Variants in PIAS1 observed in about 807,000 individuals in gnomAD.
The protein encoded by PIAS1 is E3 SUMO-protein ligase PIAS1.
In PIAS1, 6 loss-of-function variants were observed where a neutral mutation model predicts 71.3. The ratio of observed to expected loss-of-function variants is 0.08; its 90% CI spans 0.05 to 0.17. The LOEUF is 0.17. PIAS1 is among the 10% of genes least tolerant of loss of function. PIAS1 has a pLI of 1.00. For synonymous variants in PIAS1, 303 were observed against 292.9 expected, an observed-to-expected ratio of 1.03 and a Z score of -0.35; for missense variants, 555 against 793.6, an observed-to-expected ratio of 0.70 and a Z score of 3.61.
At chr15:68,088,876 CATTT>C (rs1356378036) in intron 2 of PIAS1, among the ~76,000 whole-genome samples, 1 of 152,064 alleles carries the variant, frequency 6.6e-6, no homozygotes, top group African/African-American at 2.4e-5. Context: ...GCCGGTAGTT[CATTT>C]GTTTTAAATC....
chr15:68,145,698 A>G, intron 4 of PIAS1, 118 bp from the exon 5 acceptor site: 1 of 629,930 alleles, frequency 1.6e-6, no homozygotes, highest in South Asian at 2.0e-5. Context: ...TCCAGTTTTT[A>G]TAGTTTTCCC....
In PIAS1 at chr15:68,142,188, T is replaced by G. The variant is rs1023688945; in HGVS notation, c.555-102T>G. The stretch of plus-strand genomic sequence containing the variant: ...TTAGTTACTGTAAGAACAGTTATAT[T>G]TATGATAATTTGAAAAACTTTTCTG... On this transcript the variant is annotated intron_variant, in intron 3 of 13. Coordinates refer to ENST00000249636, the MANE Select transcript of PIAS1 (RefSeq NM_016166.3). 5 of 1,051,006 alleles carry G rather than the reference T, an allele frequency of 4.8e-6. No individual in the cohort carries two copies. The Admixed American group carries it at 8.2e-5, about 17-fold the overall frequency. 65.1% of individuals were successfully genotyped at this position (1,051,006 alleles called of 1,614,324 possible).
At position 68,132,968 on chromosome 15, in the gene PIAS1, GTTTTC is replaced by G. The variant is rs1299061429; in HGVS notation, c.470-8963_470-8959del. On this transcript the variant is annotated intron_variant, in intron 2 of 13. Coordinates refer to ENST00000249636, the MANE Select transcript of PIAS1 (RefSeq NM_016166.3). ...TAATTAATTTCAGTTTATCCTTCTG[GTTTTC>G]TTTTCTTTTCTTTTTTTTTTTCCGA... Among the ~76,000 whole-genome samples, 30 of 147,388 alleles carry G rather than the reference GTTTTC, an allele frequency of 2.0e-4. No homozygotes were observed. In the East Asian group the frequency reaches 2.2e-3, roughly 11 times the overall value.
intron 1 of PIAS1, among the ~76,000 whole-genome samples, chr15:68,058,216 C>T (rs1469664673): frequency 6.6e-6 from 1 of 152,194 alleles, no homozygotes; most frequent in East Asian, 1.9e-4. Flanking sequence ...AAAACGGATT[C>T]ATTACTTCAT....
chr15:68,077,870 A>G (rs952603922), intron 1 of PIAS1, among the ~76,000 whole-genome samples: 21 of 152,318 alleles, frequency 1.4e-4, no homozygotes, highest in African/African-American at 4.6e-4. Flanking sequence ...ACTTTTCCTT[A>G]ATCTCTATAC....
intron 2 of PIAS1, among the ~76,000 whole-genome samples, chr15:68,094,229 A>C (rs2092355797): frequency 6.6e-6 from 1 of 151,494 alleles, no homozygotes; most frequent in South Asian, 2.1e-4. Context: ...AAGACCGGCA[A>C]CCTAGATGTG....
rs893128135 is a variant in PIAS1 at position 68,191,220 on chromosome 15, A to G, written c.*3385A>G. 1 of 152,690 alleles carries G rather than the reference A, an allele frequency of 6.5e-6. No homozygotes were observed. Among genetic ancestry groups the G allele is most frequent in the Non-Finnish European group, 1.5e-5 (1 of 68,044 alleles). The allele number at this position is 152,690 out of a possible 1,614,324, so 9.5% of individuals were successfully genotyped here. On this transcript the variant is annotated 3_prime_UTR_variant, in exon 14 of 14. Transcript: ENST00000249636. Reference sequence around the variant, plus strand: ...AAAATGTACATAAACAGATAAAGTTACCATAAATTCCATGAACTTAAATCT... The same window carrying G: ...AAAATGTACATAAACAGATAAAGTTGCCATAAATTCCATGAACTTAAATCT...
chr15:68,095,726 T>A (rs763200941), intron 2 of PIAS1, among the ~76,000 whole-genome samples: 72 of 152,004 alleles, frequency 4.7e-4, no homozygotes, highest in Non-Finnish European at 8.8e-4. Flanking sequence ...AGACAGGGTT[T>A]CATCATGTTG....
At chr15:68,065,215 A>G (rs2092004161) in intron 1 of PIAS1, among the ~76,000 whole-genome samples, 1 of 152,130 alleles carries the variant, frequency 6.6e-6, no homozygotes, top group African/African-American at 2.4e-5. Context: ...AAAATTTAAA[A>G]TTTACAGTAC....
At chr15:68,074,859 C>CT (rs1451951105) in intron 1 of PIAS1, among the ~76,000 whole-genome samples, 1 of 140,786 alleles carries the variant, frequency 7.1e-6, no homozygotes, top group Admixed American at 7.1e-5. Flanking sequence ...TTTCTTTTTG[C>CT]TTTTTTGTTT....
rs903279183 is a variant in PIAS1, at chr15:68,191,443, T to G, written c.*3608T>G. The G allele has an allele frequency of 6.6e-6, 1 of 152,628 alleles. No individual in the cohort carries two copies. The highest frequency in any genetic ancestry group is 2.4e-5 in the African/African-American group (1 of 41,444). 9.5% of individuals were successfully genotyped at this position (152,628 alleles called of 1,614,324 possible). A position where few individuals can be genotyped will look rare whatever the true frequency, so the allele number is the denominator to read the frequency against. ...TTTATGTAGAGCTCTTTAGATGTAA[T>G]AAAAGAAAAGCCTTCAGTTAATTTG... On this transcript the variant is annotated 3_prime_UTR_variant, in exon 14 of 14. Coordinates refer to ENST00000249636, the MANE Select transcript of PIAS1 (RefSeq NM_016166.3).
In PIAS1 at chr15:68,054,487, C is replaced by T; in HGVS notation, c.24+137C>T. Reference sequence around the variant, plus strand: ...GCCTGGAGTTGTAGGGAGAGAGGCGCGCCCGGTCTCAGCAGAGGGGGCCCG... The same window carrying T: ...GCCTGGAGTTGTAGGGAGAGAGGCGTGCCCGGTCTCAGCAGAGGGGGCCCG... On this transcript the variant is annotated intron_variant, in intron 1 of 13. Coordinates refer to ENST00000249636, the MANE Select transcript of PIAS1 (RefSeq NM_016166.3). The surrounding 1 kb of genome is among the most constrained non-coding windows in gnomAD (Gnocchi z 4.6). 1 of 897,140 alleles carries T rather than the reference C, an allele frequency of 1.1e-6. No individual in the cohort carries two copies. Among genetic ancestry groups the T allele is most frequent in the South Asian group, 1.7e-5 (1 of 59,500 alleles). The allele number at this position is 897,140 out of a possible 1,614,324, so 55.6% of individuals were successfully genotyped here. A position where few individuals can be genotyped will look rare whatever the true frequency, so the allele number is the denominator to read the frequency against.
chr15:68,127,662 T>C (rs938749558), intron 2 of PIAS1, among the ~76,000 whole-genome samples: 1 of 152,210 alleles, frequency 6.6e-6, no homozygotes, highest in Non-Finnish European at 1.5e-5. Context: ...TTTACTGACC[T>C]TTTATTGGAA....
In PIAS1 at chr15:68,189,636, A is replaced by G. The variant is rs1321182589; in HGVS notation, c.*1801A>G. On this transcript the variant is annotated 3_prime_UTR_variant, in exon 14 of 14. Coordinates refer to ENST00000249636, the MANE Select transcript of PIAS1 (RefSeq NM_016166.3). ...AAAAAAAAAGTTGGTGTTGATATGT[A>G]TATGTGTGTGTGTATATATGTATTT... is the stretch of plus-strand genomic sequence containing the variant. 2.0e-5 allele frequency: 3 copies of G among 152,160 alleles called. No individual in the cohort carries two copies. The highest frequency in any genetic ancestry group is 6.5e-5 in the Admixed American group (1 of 15,270). The allele number at this position is 152,160 out of a possible 1,614,324, so 9.4% of individuals were successfully genotyped here. A position where few individuals can be genotyped will look rare whatever the true frequency, so the allele number is the denominator to read the frequency against.
intron 1 of PIAS1, among the ~76,000 whole-genome samples, chr15:68,061,006 C>G (rs1256258545): frequency 6.6e-6 from 1 of 152,210 alleles, no homozygotes. Flanking sequence ...AGAAAGATAA[C>G]ATAGGCAATG....
At chr15:68,105,241 AC>A (rs2141003163) in intron 2 of PIAS1, among the ~76,000 whole-genome samples, 1 of 152,238 alleles carries the variant, frequency 6.6e-6, no homozygotes, top group South Asian at 2.1e-4. Flanking sequence ...TAATCTTAAT[AC>A]TCTAACTTAT....
chr15:68,169,315 A>G (rs1195780431), intron 8 of PIAS1, among the ~76,000 whole-genome samples: 2 of 152,220 alleles, frequency 1.3e-5, no homozygotes, highest in African/African-American at 4.8e-5. Flanking sequence ...GCCTAATGGT[A>G]ATTTTTCTGT....
intron 2 of PIAS1, among the ~76,000 whole-genome samples, chr15:68,088,176 G>GTATTTATATATATATATATA: frequency 1.4e-5 from 1 of 72,998 alleles, no homozygotes; most frequent in African/African-American, 6.2e-5. Context: ...TTATGTGTGT[G>GTATTTATATATATATATATA]TATATATATA....
At chr15:68,094,976 A>T (rs1395219804) in intron 2 of PIAS1, among the ~76,000 whole-genome samples, 2 of 152,188 alleles carry the variant, frequency 1.3e-5, no homozygotes. Context: ...TCCCCAAGGC[A>T]TCCAGTATTT....
Sources: gnomAD v4.1 joint callset for allele counts (sites outside exome capture counted in the v4.1 genomes callset) on GRCh38, gnomAD v4.1.1 for gene constraint, Gnocchi (gnomAD v3.1) non-coding constraint, MANE v1.5 for transcripts, NCBI Gene and HGNC (gene_info 2026-07-23, HGNC 2026-07-21) for gene names.